Variants in MXRA7 observed in about 807,000 individuals in gnomAD.
MXRA7 encodes matrix-remodeling-associated protein 7.
A neutral mutation model predicts 17.4 loss-of-function variants in MXRA7; 18 were observed. The observed-to-expected ratio is 1.03, with a 90% CI of 0.71 to 1.53. The LOEUF (loss-of-function observed/expected upper bound fraction) is 1.53, where lower values mean the gene tolerates loss of function less well. MXRA7 is among the 40% of genes most tolerant of loss of function. The pLI is 0.00. For synonymous variants in MXRA7, 70 were observed against 101.7 expected (o/e 0.69, Z 1.87); for missense variants, 141 against 209.3 (o/e 0.67, Z 2.01).
downstream of MXRA7, chr17:76,677,292 A>AAACT (rs139805297): frequency 3.8e-6 from 1 of 266,048 alleles, no homozygotes; most frequent in Non-Finnish European, 7.2e-6. Flanking sequence ...ACTCCATCTC[A>AAACT]AACAAACAAA....
intron 1 of MXRA7, among the ~76,000 whole-genome samples, chr17:76,694,227 T>C (rs1236683167): frequency 6.6e-6 from 1 of 152,120 alleles, no homozygotes; most frequent in African/African-American, 2.4e-5. Flanking sequence ...ACCATGTGCT[T>C]GTCCTGAGGC....
intron 1 of MXRA7, among the ~76,000 whole-genome samples, chr17:76,695,391 A>C (rs921872214): frequency 7.3e-6 from 1 of 136,374 alleles, no homozygotes; most frequent in African/African-American, 2.8e-5. Flanking sequence ...ACGGGATGGG[A>C]AGGGATAAAG....
rs1201710431 is a variant in MXRA7, at chr17:76,681,824, G to C, written c.501-945C>G. On this transcript the variant is annotated intron_variant, in intron 3 of 3. Transcript: ENST00000449428. The surrounding 1 kb of genome is among the most constrained non-coding windows in gnomAD (Gnocchi z 4.7). The stretch of plus-strand genomic sequence containing the variant: ...AGCTTCCCTAGCTCTGGGGGAGGAG[G>C]AGGAGGCCTCTTGCTCAGGGGAGCT... Among the ~76,000 whole-genome samples, 1 of 152,216 alleles carries C rather than the reference G, an allele frequency of 6.6e-6. No homozygotes were observed. Among genetic ancestry groups the C allele is most frequent in the African/African-American group, 2.4e-5 (1 of 41,450 alleles).
chr17:76,674,967 C>T (rs550600081), downstream of MXRA7: 1 of 152,314 alleles, frequency 6.6e-6, no homozygotes, highest in South Asian at 2.1e-4. Flanking sequence ...GCCCACAGTA[C>T]GAGGAAGACT....
intron 1 of MXRA7, among the ~76,000 whole-genome samples, chr17:76,699,238 TG>T (rs1258884438): frequency 2.0e-5 from 3 of 152,090 alleles, no homozygotes; most frequent in Admixed American, 2.0e-4. Context: ...TCAACCTCCC[TG>T]GGCTTAAGCA....
intron 1 of MXRA7, among the ~76,000 whole-genome samples, chr17:76,706,169 C>CGTCACAGAGGCCCACGCTGCT (rs2076653813): frequency 6.6e-6 from 1 of 150,812 alleles, no homozygotes; most frequent in Admixed American, 6.6e-5. Context: ...CCCACGCTGC[C>CGTCACAGAGGCCCACGCTGCT]GTCACAGAGG....
In MXRA7 at chr17:76,690,456, T is replaced by C. The variant is rs571665983; in HGVS notation, c.343-2280A>G. 5.9e-5 allele frequency among the ~76,000 whole-genome samples: 9 copies of C among 152,044 alleles called. 1 individual carries two copies. In the South Asian group the frequency reaches 1.7e-3, roughly 28 times the overall value. On this transcript the variant is annotated intron_variant, in intron 1 of 3. Coordinates refer to ENST00000449428, the MANE Select transcript of MXRA7 (RefSeq NM_198530.4). ...CAGGTGTGGTGGCTCATGCCTGCAA[T>C]CTCAGCACTTTGGGAGGCTGAGGTG...
intron 1 of MXRA7, among the ~76,000 whole-genome samples, chr17:76,696,842 C>T (rs2076537532): frequency 6.6e-6 from 1 of 152,198 alleles, no homozygotes; most frequent in African/African-American, 2.4e-5. Flanking sequence ...GCAGCTGTGC[C>T]ATGGTGGGTG....
At chr17:76,706,408 A>G in intron 1 of MXRA7, among the ~76,000 whole-genome samples, 1 of 150,626 alleles carries the variant, frequency 6.6e-6, no homozygotes, top group Non-Finnish European at 1.5e-5. Context: ...GCCGTCACAG[A>G]GGCCCACACT....
chr17:76,683,704 T>C (rs2143587916), intron 3 of MXRA7: 2 of 637,950 alleles, frequency 3.1e-6, no homozygotes. Context: ...TTGAGAAGAA[T>C]GAGAAGGGCT....
intron 1 of MXRA7, among the ~76,000 whole-genome samples, chr17:76,707,681 T>C (rs1385998900): frequency 6.6e-6 from 1 of 152,108 alleles, no homozygotes; most frequent in Non-Finnish European, 1.5e-5. Context: ...AATTTAACTC[T>C]AGTGCTATTC....
Position 76,710,734 on chromosome 17 carries a change from C to G in MXRA7, c.213G>C (p.Pro71=). ...APEPAASPAG[P]EEPGEPAGLG... ...GCCCCGCGGGCTCTCCAGGCTCCTC[C>G]GGCCCCGCGGGCGAGGCCGCCGGCT... The change falls in exon 1 of 4, where the codon CCG becomes CCC. Residue 71 remains proline, a synonymous_variant. Coordinates refer to ENST00000449428, the MANE Select transcript of MXRA7 (RefSeq NM_198530.4). 5 of 1,128,706 alleles carry G rather than the reference C, an allele frequency of 4.4e-6. No homozygotes were observed. The highest frequency in any genetic ancestry group is 5.5e-6 in the Non-Finnish European group (5 of 912,798). 69.9% of individuals were successfully genotyped at this position (1,128,706 alleles called of 1,614,324 possible).
Position 76,681,002 on chromosome 17 carries a change from A to G in MXRA7, c.501-123T>C. On this transcript the variant is annotated intron_variant, in intron 3 of 3. Coordinates refer to ENST00000449428, the MANE Select transcript of MXRA7 (RefSeq NM_198530.4). The surrounding 1 kb of genome is among the most constrained non-coding windows in gnomAD (Gnocchi z 4.7). ...TGTTTGGAATTGCAGAAGCTGCGCT[A>G]GACTCTGGTTTCTCAAACCACTGCT... 1.2e-6 allele frequency: 1 copy of G among 815,606 alleles called. No individual in the cohort carries two copies. Among genetic ancestry groups the G allele is most frequent in the Non-Finnish European group, 2.0e-6 (1 of 498,326 alleles). The allele number at this position is 815,606 out of a possible 1,614,324, so 50.5% of individuals were successfully genotyped here. A position where few individuals can be genotyped will look rare whatever the true frequency, so the allele number is the denominator to read the frequency against.
At chr17:76,694,655 G>C (rs1167989946) in intron 1 of MXRA7, among the ~76,000 whole-genome samples, 1 of 152,048 alleles carries the variant, frequency 6.6e-6, no homozygotes, top group Non-Finnish European at 1.5e-5. Context: ...ATGCGATCTC[G>C]GCTCACTGCA....
At chr17:76,683,111 C>T (rs1379586295) in intron 3 of MXRA7, among the ~76,000 whole-genome samples, 2 of 152,238 alleles carry the variant, frequency 1.3e-5, no homozygotes, top group African/African-American at 4.8e-5. Context: ...GATCCATCTG[C>T]CTGAGCAGCC....
chr17:76,707,647 A>T (rs1298331308), intron 1 of MXRA7, among the ~76,000 whole-genome samples: 1 of 152,168 alleles, frequency 6.6e-6, no homozygotes, highest in African/African-American at 2.4e-5. Context: ...GTACCGAGAT[A>T]CTTGAGTCCT....
Position 76,685,184 on chromosome 17 carries a change from G to C in MXRA7, c.407-19C>G. On this transcript the variant is annotated intron_variant, in intron 2 of 3. Coordinates refer to ENST00000449428, the MANE Select transcript of MXRA7 (RefSeq NM_198530.4). ...CCTTCTCCTGTGGAGGGGGGACCCAGTAAGTGCCAGGAGTGCTGTAGAGGC... is the reference window on the plus strand; with the variant it reads ...CCTTCTCCTGTGGAGGGGGGACCCACTAAGTGCCAGGAGTGCTGTAGAGGC... The C allele has an allele frequency of 6.3e-7, 1 of 1,597,842 alleles. No individual in the cohort carries two copies. Among genetic ancestry groups the C allele is most frequent in the Non-Finnish European group, 8.6e-7 (1 of 1,165,336 alleles).
At chr17:76,679,344 T>C (rs1291966896), downstream of MXRA7, among the ~76,000 whole-genome samples, 4 of 151,566 alleles carry the variant, frequency 2.6e-5, no homozygotes, top group African/African-American at 9.7e-5. Context: ...AAGGATGTGC[T>C]GAGCTCTGTG....
chr17:76,702,906 C>A (rs2076612059), intron 1 of MXRA7, among the ~76,000 whole-genome samples: 1 of 62,816 alleles, frequency 1.6e-5, no homozygotes, highest in Non-Finnish European at 3.9e-5. Flanking sequence ...GGAGGCCTCA[C>A]CATAGGAAGA....
Sources: allele counts gnomAD v4.1 joint callset (sites outside exome capture counted in the v4.1 genomes callset), GRCh38; gene constraint gnomAD v4.1.1; non-coding constraint Gnocchi (gnomAD v3.1); transcripts MANE v1.5; gene names NCBI Gene and HGNC (gene_info 2026-07-23, HGNC 2026-07-21).